NDUFAF2: variants seen among roughly 807,000 people sequenced by gnomAD.
NDUFAF2 encodes NADH dehydrogenase [ubiquinone] 1 alpha subcomplex assembly factor 2.
NDUFAF2 carries 13 observed loss-of-function variants against 22.8 expected under a neutral mutation model. The observed-to-expected ratio is 0.57, with a 90% CI of 0.37 to 0.91. The LOEUF (loss-of-function observed/expected upper bound fraction) is 0.91, where lower values mean the gene tolerates loss of function less well. Ranked by LOEUF, NDUFAF2 falls within the 40% of genes least tolerant of loss-of-function variation. NDUFAF2 has a pLI of 0.01. For synonymous variants in NDUFAF2, 53 were observed against 64.2 expected, an observed-to-expected ratio of 0.83 and a Z score of 0.84; for missense variants, 162 against 195.2, an observed-to-expected ratio of 0.83 and a Z score of 1.01.
chr5:60,957,756 G>C (rs1247501875), intron 1 of NDUFAF2, among the ~76,000 whole-genome samples: 1 of 152,178 alleles, frequency 6.6e-6, no homozygotes, highest in Non-Finnish European at 1.5e-5. Flanking sequence ...CTGCTAGTGG[G>C]AATCTGAAGA....
intron 1 of NDUFAF2, among the ~76,000 whole-genome samples, chr5:61,022,156 C>T (rs1295290151): frequency 1.3e-5 from 2 of 152,298 alleles, no homozygotes; most frequent in East Asian, 3.9e-4. Flanking sequence ...GTCCAGGAAT[C>T]TGGGTATCAT....
intron 1 of NDUFAF2, among the ~76,000 whole-genome samples, chr5:61,020,538 G>A (rs1043388985): frequency 5.8e-5 from 8 of 137,412 alleles, no homozygotes; most frequent in African/African-American, 2.1e-4. Flanking sequence ...GAACTGTGTG[G>A]GTTTTGTTAT....
chr5:61,110,713 T>C (rs1380969018), intron 3 of NDUFAF2, among the ~76,000 whole-genome samples: 1 of 152,110 alleles, frequency 6.6e-6, no homozygotes, highest in African/African-American at 2.4e-5. Context: ...TCTGTCTTTT[T>C]TCTTAATCTG....
At chr5:60,963,975 G>T (rs1239551208) in intron 1 of NDUFAF2, among the ~76,000 whole-genome samples, 1 of 152,140 alleles carries the variant, frequency 6.6e-6, no homozygotes, top group Non-Finnish European at 1.5e-5. Flanking sequence ...TGCTTTCACT[G>T]TGAATAAAAT....
intron 1 of NDUFAF2, among the ~76,000 whole-genome samples, chr5:60,983,703 A>G (rs1751025042): frequency 6.6e-6 from 1 of 150,686 alleles, no homozygotes; most frequent in African/African-American, 2.4e-5. Context: ...CAAAGATCAG[A>G]TAGTTGTAGA....
At chr5:60,999,551 G>A (rs958458424) in intron 1 of NDUFAF2, among the ~76,000 whole-genome samples, 6 of 152,026 alleles carry the variant, frequency 3.9e-5, no homozygotes, top group Non-Finnish European at 7.4e-5. Flanking sequence ...AATTGCCAGG[G>A]TTAGGGGAGG....
chr5:61,099,946 A>C (rs1388120564), intron 3 of NDUFAF2, among the ~76,000 whole-genome samples: 1 of 152,212 alleles, frequency 6.6e-6, no homozygotes, highest in South Asian at 2.1e-4. Flanking sequence ...TGGCATGCTT[A>C]TGTTTATTTG....
chr5:61,126,470 T>C (rs1011200237), intron 3 of NDUFAF2, among the ~76,000 whole-genome samples: 4 of 152,042 alleles, frequency 2.6e-5, no homozygotes, highest in Non-Finnish European at 4.4e-5. Flanking sequence ...TGGCAGTTTA[T>C]CATAAAAACA....
chr5:61,136,040 T>TATATATATATATA (rs1740932375), intron 3 of NDUFAF2, among the ~76,000 whole-genome samples: 1 of 112,632 alleles, frequency 8.9e-6, no homozygotes, highest in African/African-American at 3.4e-5. Context: ...TATATATATA[T>TATATATATATATA]ATCTAGGGTG....
At chr5:61,050,464 G>T (rs1384492555) in intron 1 of NDUFAF2, 3 of 152,046 alleles carry the variant, frequency 2.0e-5, no homozygotes, top group Non-Finnish European at 4.4e-5. Flanking sequence ...TTCAAGGAAG[G>T]ATTATGGCAG....
At chr5:60,996,172 C>T (rs1174274758) in intron 1 of NDUFAF2, among the ~76,000 whole-genome samples, 3 of 152,070 alleles carry the variant, frequency 2.0e-5, no homozygotes, top group Non-Finnish European at 2.9e-5. Context: ...ACCAGCAAGT[C>T]TCCAAGGCTG....
intron 1 of NDUFAF2, among the ~76,000 whole-genome samples, chr5:61,000,865 A>C (rs1751286753): frequency 6.6e-6 from 1 of 152,200 alleles, no homozygotes. Flanking sequence ...TAATTACAGA[A>C]TAACATTGAG....
intron 1 of NDUFAF2, among the ~76,000 whole-genome samples, chr5:60,949,886 T>C (rs1481450429): frequency 6.6e-6 from 1 of 152,232 alleles, no homozygotes; most frequent in Non-Finnish European, 1.5e-5. Context: ...AATTCTTTGT[T>C]ACTATTATAT....
At chr5:61,132,359 C>T (rs183936811) in intron 3 of NDUFAF2, among the ~76,000 whole-genome samples, 4 of 152,258 alleles carry the variant, frequency 2.6e-5, no homozygotes, top group South Asian at 2.1e-4. Flanking sequence ...CTTGATTCTC[C>T]GTCTCCTTTG....
intron 1 of NDUFAF2, among the ~76,000 whole-genome samples, chr5:60,991,528 A>C (rs1159583365): frequency 6.6e-6 from 1 of 152,084 alleles, no homozygotes; most frequent in African/African-American, 2.4e-5. Context: ...TGATTTTGAG[A>C]TCCCACAAAT....
At chr5:61,111,183 G>T (rs989261470) in intron 3 of NDUFAF2, among the ~76,000 whole-genome samples, 1 of 152,138 alleles carries the variant, frequency 6.6e-6, no homozygotes, top group Non-Finnish European at 1.5e-5. Context: ...AGATACTCGA[G>T]ATAATTTCAA....
chr5:61,002,474 A>G (rs1195004049), intron 1 of NDUFAF2, among the ~76,000 whole-genome samples: 4 of 152,294 alleles, frequency 2.6e-5, no homozygotes, highest in Middle Eastern at 3.4e-3. Context: ...TGGAATCAAT[A>G]TAATTTATGG....
chr5:61,062,445 G>C (rs888284888), intron 1 of NDUFAF2, among the ~76,000 whole-genome samples: 1 of 152,030 alleles, frequency 6.6e-6, no homozygotes, highest in Non-Finnish European at 1.5e-5. Context: ...TCAACAGCAG[G>C]CTAGATCAAT....
intron 3 of NDUFAF2, among the ~76,000 whole-genome samples, chr5:61,117,744 C>T (rs1377322614): frequency 6.6e-6 from 1 of 151,878 alleles, no homozygotes; most frequent in Non-Finnish European, 1.5e-5. Context: ...CAATTTTTTT[C>T]GGCAGGGTAT....
Sources: gnomAD v4.1 joint callset for allele counts (sites outside exome capture counted in the v4.1 genomes callset) on GRCh38, gnomAD v4.1.1 for gene constraint, MANE v1.5 for transcripts, NCBI Gene and HGNC (gene_info 2026-07-23, HGNC 2026-07-21) for gene names.